The following ZNF730 variants were observed in gnomAD, a reference collection of about 807,000 sequenced individuals.
ZNF730 encodes the protein zinc finger protein 730.
In ZNF730, 12 loss-of-function variants were observed where a neutral mutation model predicts 12.6. That is an observed-to-expected ratio of 0.95 (90% CI 0.61 to 1.54). ZNF730 has a LOEUF of 1.54. ZNF730 is among the 40% of genes most tolerant of loss of function. ZNF730 has a pLI of 0.00. For missense variants in ZNF730, 643 were observed against 583.5 expected (o/e 1.10, Z -1.05); for synonymous variants, 194 against 195.8 (o/e 0.99, Z 0.08).
At chr19:23,078,405 C>T (rs529110167) in intron 1 of ZNF730, among the ~76,000 whole-genome samples, 59 of 151,936 alleles carry the variant, frequency 3.9e-4, no homozygotes, top group Non-Finnish European at 5.0e-4. Context: ...GACATGCTGG[C>T]GGCACTACTC....
chr19:23,129,015 A>G (rs1023585277), intron 1 of ZNF730, among the ~76,000 whole-genome samples: 2 of 152,086 alleles, frequency 1.3e-5, no homozygotes, highest in African/African-American at 2.4e-5. Context: ...CAGCTTCCAT[A>G]TTGTGTTGAG....
intron 1 of ZNF730, chr19:23,128,307 G>A: frequency 3.1e-6 from 2 of 644,250 alleles, no homozygotes; most frequent in South Asian, 1.5e-5. Flanking sequence ...ACTTAATGAA[G>A]GATGATGAAG....
chr19:23,127,329 T>G lies in ZNF730; in HGVS notation c.4-6751T>G, dbSNP rs1478263049. On this transcript the variant is annotated intron_variant, in intron 1 of 3. Transcript: ENST00000597761. ...TGGAAATTTAAATATTTTCTCAAAA[T>G]AGGATGTGCTGTCACATGACATAGG... 3.5e-5 allele frequency: 24 copies of G among 692,156 alleles called. No individual in the cohort carries two copies. In the Admixed American group the frequency reaches 5.2e-4, roughly 15 times the overall value. The allele number at this position is 692,156 out of a possible 1,614,324, so 42.9% of individuals were successfully genotyped here. A position where few individuals can be genotyped will look rare whatever the true frequency, so the allele number is the denominator to read the frequency against.
chr19:23,119,092 T>C (rs532873644), intron 1 of ZNF730, among the ~76,000 whole-genome samples: 3 of 152,256 alleles, frequency 2.0e-5, no homozygotes, highest in East Asian at 3.9e-4. Context: ...TGTTGAATAG[T>C]GGGGGTGAGA....
At chr19:23,095,515 A>G in intron 1 of ZNF730, 1 of 398,480 alleles carries the variant, frequency 2.5e-6, no homozygotes, top group Non-Finnish European at 4.4e-6. Context: ...CTAAGCACCT[A>G]GCTCACATGA....
chr19:23,134,491 G>T (rs1465931582), intron 2 of ZNF730, among the ~76,000 whole-genome samples: 1 of 145,956 alleles, frequency 6.9e-6, no homozygotes, highest in African/African-American at 2.6e-5. Context: ...CCAGCCCCCC[G>T]CCCGGCCGGC....
intron 1 of ZNF730, among the ~76,000 whole-genome samples, chr19:23,096,424 G>A (rs1438574157): frequency 6.6e-6 from 1 of 152,046 alleles, no homozygotes; most frequent in Non-Finnish European, 1.5e-5. Flanking sequence ...GGTATTATAA[G>A]ATATCTTTCT....
At chr19:23,092,217 A>G (rs1221160757) in intron 1 of ZNF730, among the ~76,000 whole-genome samples, 3 of 152,178 alleles carry the variant, frequency 2.0e-5, no homozygotes, top group African/African-American at 7.2e-5. Context: ...CTCCCTAGCC[A>G]TGTGGAACTG....
Position 23,146,864 on chromosome 19 carries a change from T to C in ZNF730, c.*308T>C. 1 of 694,382 alleles carries C rather than the reference T, an allele frequency of 1.4e-6. No homozygotes were observed. The highest frequency in any genetic ancestry group is 2.5e-6 in the Non-Finnish European group (1 of 396,282). The allele number at this position is 694,382 out of a possible 1,614,324, so 43.0% of individuals were successfully genotyped here. On this transcript the variant is annotated 3_prime_UTR_variant, in exon 4 of 4. Coordinates refer to ENST00000597761, the MANE Select transcript of ZNF730 (RefSeq NM_001277403.2). ...AATCCTTAATTCTTAACAGACATGA[T>C]TCATACCAGAGAGAAACTCTACAAA...
chr19:23,080,388 T>A (rs77723276), intron 1 of ZNF730, among the ~76,000 whole-genome samples: 1 of 151,710 alleles, frequency 6.6e-6, no homozygotes, highest in Non-Finnish European at 1.5e-5. Flanking sequence ...TTTTTTTTTT[T>A]ATTTTGAGAC....
At chr19:23,130,855 A>G (rs1380869861) in intron 1 of ZNF730, among the ~76,000 whole-genome samples, 1 of 152,154 alleles carries the variant, frequency 6.6e-6, no homozygotes, top group Non-Finnish European at 1.5e-5. Flanking sequence ...TCCCTGCCCC[A>G]GTTCTGTTCA....
Position 23,136,170 on chromosome 19 carries a change from ATTTAT to A in ZNF730, c.226+131_226+135del. ...AAGGAAATAGTTTCTGTTTCTTTTTATTTATTTTGCTTTTTATTTATTTTTTTTCC... is the reference window on the plus strand; with the variant it reads ...AAGGAAATAGTTTCTGTTTCTTTTTATTTGCTTTTTATTTATTTTTTTTCC... On this transcript the variant is annotated intron_variant, in intron 3 of 3. Coordinates refer to ENST00000597761, the MANE Select transcript of ZNF730 (RefSeq NM_001277403.2). 11 of 680,240 alleles carry A rather than the reference ATTTAT, an allele frequency of 1.6e-5. No homozygotes were observed. In the South Asian group the frequency reaches 4.1e-4, roughly 25 times the overall value. The allele number at this position is 680,240 out of a possible 1,614,324, so 42.1% of individuals were successfully genotyped here. A position where few individuals can be genotyped will look rare whatever the true frequency, so the allele number is the denominator to read the frequency against.
At chr19:23,114,474 T>G (rs1375047634), upstream of ZNF730, among the ~76,000 whole-genome samples, 1 of 143,824 alleles carries the variant, frequency 7.0e-6, no homozygotes, top group Non-Finnish European at 1.5e-5. Context: ...ACCCGGCTAA[T>G]TTTTTTATTT....
At chr19:23,093,738 A>T (rs1444919338) in intron 1 of ZNF730, among the ~76,000 whole-genome samples, 2 of 152,208 alleles carry the variant, frequency 1.3e-5, no homozygotes, top group Non-Finnish European at 1.5e-5. Context: ...ACTAAGGGGC[A>T]GTCCCTGCAC....
At chr19:23,116,398 TCTC>T (rs1294937647), upstream of ZNF730, among the ~76,000 whole-genome samples, 6 of 151,214 alleles carry the variant, frequency 4.0e-5, no homozygotes, top group South Asian at 2.1e-4. Context: ...TCTCTCTTTC[TCTC>T]CTCCTCCCTT....
At chr19:23,140,986 A>G (rs890097885) in intron 3 of ZNF730, among the ~76,000 whole-genome samples, 6 of 152,020 alleles carry the variant, frequency 3.9e-5, no homozygotes, top group African/African-American at 1.4e-4. Flanking sequence ...ATGGCCAGTC[A>G]TGGTGGTGTT....
upstream of ZNF730, among the ~76,000 whole-genome samples, chr19:23,116,496 T>A (rs1970525782): frequency 6.7e-6 from 1 of 150,014 alleles, no homozygotes; most frequent in Non-Finnish European, 1.5e-5. Context: ...AACCTCCACC[T>A]CCTGGGTTCA....
chr19:23,132,131 C>G (rs1383816674), intron 1 of ZNF730, among the ~76,000 whole-genome samples: 3 of 152,106 alleles, frequency 2.0e-5, no homozygotes, highest in African/African-American at 7.3e-5. Flanking sequence ...TCAATCTCTT[C>G]TGTTATAAAG....
At chr19:23,121,232 G>A (rs1039589926) in intron 1 of ZNF730, among the ~76,000 whole-genome samples, 1 of 152,156 alleles carries the variant, frequency 6.6e-6, no homozygotes, top group Non-Finnish European at 1.5e-5. Flanking sequence ...CAAGCATTTA[G>A]TTCTGATATC....
Sources: allele counts gnomAD v4.1 joint callset (sites outside exome capture counted in the v4.1 genomes callset), GRCh38; gene constraint gnomAD v4.1.1; transcripts MANE v1.5; gene names NCBI Gene and HGNC (gene_info 2026-07-23, HGNC 2026-07-21).